Variants in MDN1 observed in about 807,000 individuals in gnomAD.
MDN1 encodes the protein midasin AAA ATPase 1.
Under a neutral mutation model 669.2 loss-of-function variants are expected in MDN1, and 266 were observed. That is an observed-to-expected ratio of 0.40 (90% CI 0.36 to 0.44). MDN1 has a LOEUF of 0.44. MDN1 is among the 20% of genes least tolerant of loss of function. The pLI, the probability that MDN1 is intolerant of heterozygous loss-of-function variation, is 1.00. For synonymous variants in MDN1, 2,385 were observed against 2,457.1 expected (o/e 0.97, Z 0.87); for missense variants, 5,940 against 6,754.0 (o/e 0.88, Z 4.22).
At chr6:89,664,345 C>A in intron 85 of MDN1, 142 bp downstream of exon 85, 1 of 937,336 alleles carries the variant, frequency 1.1e-6, no homozygotes, top group Non-Finnish European at 1.6e-6. Context: ...CATGCAGCTG[C>A]TGAGGTTTTC....
At chr6:89,809,993 TAAAAAAA>T (rs61558155) in intron 1 of MDN1, among the ~76,000 whole-genome samples, 744 of 52,784 alleles carry the variant, frequency 0.014, 6 homozygotes, top group Non-Finnish European at 0.016. Context: ...TCCGTTTCAC[TAAAAAAA>T]AAAAAAAAAA....
Position 89,776,670 on chromosome 6 carries a change from A to G in MDN1, c.1751T>C (p.Leu584Pro). The G allele has an allele frequency of 6.2e-7, 1 of 1,612,716 alleles. No homozygotes were observed. The highest frequency in any genetic ancestry group is 8.5e-7 in the Non-Finnish European group (1 of 1,179,018). ...TTTCAGTTTGCTTGTATGCTCAGAA[A>G]GCATTGCTGTGAAACAGTCTAGAGC... ...QEALDCFTAM[L>P]SEHTSKLKMA... The change falls in exon 12 of 102, where the codon CTT (leucine) becomes CCT (proline). Residue 584 changes from leucine (L) to proline (P), a missense_variant. Coordinates refer to ENST00000369393, the MANE Select transcript of MDN1 (RefSeq NM_014611.3).
chr6:89,756,259 A>G lies in MDN1; in HGVS notation c.2816+18T>C. The G allele has an allele frequency of 1.6e-6, 2 of 1,282,884 alleles. No homozygotes were observed. Among genetic ancestry groups the G allele is most frequent in the East Asian group, 2.4e-5 (1 of 40,892 alleles). 79.5% of individuals were successfully genotyped at this position (1,282,884 alleles called of 1,614,324 possible). ...GTTCAGAGAAAGAGCTTATAAAGAC[A>G]TACAAAAGGGAACCTACTTTATGAT... On this transcript the variant is annotated intron_variant, in intron 20 of 101. Transcript: ENST00000369393.
At position 89,762,539 on chromosome 6, in the gene MDN1, G is replaced by A. The variant is rs1817607776; in HGVS notation, c.2145-9C>T. ...GGTCCACCGGTTTATAACTGAAACA[G>A]ACACAGGTAAATGTGATTCACAAAC... On this transcript the variant is annotated splice_polypyrimidine_tract_variant and intron_variant, in intron 15 of 101. Coordinates refer to ENST00000369393, the MANE Select transcript of MDN1 (RefSeq NM_014611.3). The A allele has an allele frequency of 5.6e-6, 9 of 1,596,620 alleles. No homozygotes were observed. The highest frequency in any genetic ancestry group is 6.9e-6 in the Non-Finnish European group (8 of 1,167,278).
chr6:89,708,749 G>A, intron 50 of MDN1, 121 bp from the exon 51 acceptor site: 1 of 1,059,268 alleles, frequency 9.4e-7, no homozygotes, highest in Non-Finnish European at 1.4e-6. Context: ...ATGGGGAAGA[G>A]GTTGAACCAG....
chr6:89,714,623 A>G lies in MDN1; in HGVS notation c.6989T>C (p.Leu2330Pro). 1.2e-6 allele frequency: 2 copies of G among 1,614,182 alleles called. No individual in the cohort carries two copies. The highest frequency in any genetic ancestry group is 1.7e-6 in the Non-Finnish European group (2 of 1,180,014). The change falls in exon 46 of 102, where the codon CTG (leucine) becomes CCG (proline). Residue 2330 changes from leucine to proline, a missense_variant. Physicochemically the swap from Leu to Pro is moderately conservative, Grantham distance 98 (BLOSUM62 -3). This residue lies in a region of MDN1 where 2,292 missense variants were observed against 2,638.3 expected (regional missense o/e 0.87). Transcript: ENST00000369393. ...TPDNLDLKVL[L>P]HSLGLVGNSV... ...GTTCCCCACCAATCCAAGGCTGTGC[A>G]GCAGAACTTTCAAATCCAGGTTGTC...
intron 95 of MDN1, among the ~76,000 whole-genome samples, chr6:89,651,324 C>CAAA (rs57142164): frequency 1.2e-4 from 11 of 94,612 alleles, no homozygotes; most frequent in African/African-American, 3.4e-4. Flanking sequence ...GATTCCGTCT[C>CAAA]AAAAAAAAAA....
At chr6:89,778,347 T>C (rs1818457502) in intron 11 of MDN1, among the ~76,000 whole-genome samples, 1 of 152,102 alleles carries the variant, frequency 6.6e-6, no homozygotes. Context: ...TTAAAATATA[T>C]TTTAAAGCCA....
At chr6:89,646,736 CTG>C (rs1213350582) in intron 99 of MDN1, 133 bp from the exon 100 acceptor site, 1 of 697,542 alleles carries the variant, frequency 1.4e-6, no homozygotes, top group East Asian at 2.7e-5. Flanking sequence ...CATCAACTAA[CTG>C]TCCCTTCTGG....
intron 15 of MDN1, among the ~76,000 whole-genome samples, chr6:89,770,976 A>G (rs1818051282): frequency 6.6e-6 from 1 of 152,182 alleles, no homozygotes; most frequent in Non-Finnish European, 1.5e-5. Context: ...AAATTCAAAT[A>G]AATACCTTGC....
chr6:89,745,218 A>C, intron 29 of MDN1, 55 bp downstream of exon 29: 1 of 1,601,806 alleles, frequency 6.2e-7, no homozygotes, highest in East Asian at 2.2e-5. Context: ...TGATAACTCA[A>C]GTAATCCTAT....
At chr6:89,743,365 G>A in intron 30 of MDN1, 85 bp from the exon 31 acceptor site, 1 of 1,531,306 alleles carries the variant, frequency 6.5e-7, no homozygotes, top group Non-Finnish European at 9.0e-7. Flanking sequence ...TTCCAGGGGT[G>A]AAGTAGGCAT....
chr6:89,656,010 G>A, intron 91 of MDN1, 42 bp from the exon 92 acceptor site: 3 of 1,555,478 alleles, frequency 1.9e-6, no homozygotes, highest in Non-Finnish European at 1.8e-6. Context: ...TGCCTGTCAT[G>A]ACAAAAGGAC....
Position 89,650,005 on chromosome 6 carries a change from C to T in MDN1, c.16206+19G>A. On this transcript the variant is annotated intron_variant, in intron 97 of 101. Transcript: ENST00000369393. ...ATGTTAATTTCCTATCAAACTGCCA[C>T]TGCATTTCTCTTCCTTACCTGCTTG... The T allele has an allele frequency of 6.2e-7, 1 of 1,613,342 alleles. No individual in the cohort carries two copies. Among genetic ancestry groups the T allele is most frequent in the Non-Finnish European group, 8.5e-7 (1 of 1,179,560 alleles).
At chr6:89,673,694 TAA>T in intron 79 of MDN1, 1 of 545,034 alleles carries the variant, frequency 1.8e-6, no homozygotes, top group Non-Finnish European at 3.2e-6. Flanking sequence ...AGTAATGGAA[TAA>T]ATTACTAAAT....
At chr6:89,670,383 G>C (rs1810667902) in intron 83 of MDN1, among the ~76,000 whole-genome samples, 1 of 150,892 alleles carries the variant, frequency 6.6e-6, no homozygotes, top group Admixed American at 6.6e-5. Context: ...TCATAATATT[G>C]GTCAGGCTGG....
chr6:89,760,215 C>G (rs1817472803), intron 17 of MDN1, among the ~76,000 whole-genome samples: 2 of 152,148 alleles, frequency 1.3e-5, no homozygotes, highest in South Asian at 4.1e-4. Flanking sequence ...GTCACAGAAA[C>G]AAACTTTTTT....
chr6:89,774,725 G>T lies in MDN1; in HGVS notation c.1830C>A (p.Phe610Leu). Reference sequence around the variant, plus strand: ...TTTCTGGTTTATAAAGTTGACAAAAGAATTCAGCCTGTAGGAGGTAAGATT... The same window carrying T: ...TTTCTGGTTTATAAAGTTGACAAAATAATTCAGCCTGTAGGAGGTAAGATT... ...KLNISRKKAEFFCQLYKPEIV... is the reference protein window; with the variant it reads ...KLNISRKKAELFCQLYKPEIV... The change falls in exon 13 of 102, where the codon TTC (phenylalanine) becomes TTA (leucine). Residue 610 changes from phenylalanine to leucine, a missense_variant. This residue lies in a region of MDN1 where 1,203 missense variants were observed against 1,268.9 expected (regional missense o/e 0.95). Coordinates refer to ENST00000369393, the MANE Select transcript of MDN1 (RefSeq NM_014611.3). 1 of 1,611,302 alleles carries T rather than the reference G, an allele frequency of 6.2e-7. No homozygotes were observed. Among genetic ancestry groups the T allele is most frequent in the South Asian group, 1.1e-5 (1 of 90,986 alleles).
At position 89,751,511 on chromosome 6, in the gene MDN1, C is replaced by T. The variant is rs763273779; in HGVS notation, c.3147G>A (p.Glu1049=). The change falls in exon 23 of 102, where the codon GAG becomes GAA. Residue 1049 remains glutamate, a synonymous_variant. Coordinates refer to ENST00000369393, the MANE Select transcript of MDN1 (RefSeq NM_014611.3). ...GAATGTACGTCTCATCTATTGTAGG[C>T]TCCTTGTCTCCCACCGCAATCCAGT... The part of the protein sequence containing the change: ...EGYWIAVGDK[E]PTIDETYILT... The T allele has an allele frequency of 1.0e-4, 163 of 1,614,006 alleles. 1 individual carries two copies. The South Asian group carries it at 1.5e-3, about 15-fold the overall frequency.
Sources: gnomAD v4.1 joint callset for allele counts (sites outside exome capture counted in the v4.1 genomes callset) on GRCh38, gnomAD v4.1.1 for gene constraint, gnomAD v4.1.1 regional missense constraint, MANE v1.5 for transcripts, NCBI Gene and HGNC (gene_info 2026-07-23, HGNC 2026-07-21) for gene names.